Variants in TRMT9B observed in about 807,000 individuals in gnomAD.
TRMT9B encodes tRNA methyltransferase 9B (putative), also known as probable tRNA methyltransferase 9B.
In TRMT9B, 16 loss-of-function variants were observed where a neutral mutation model predicts 11.5. The ratio of observed to expected loss-of-function variants is 1.39; its 90% CI spans 0.94 to 2.11. TRMT9B has a LOEUF of 2.11. Among genes scored for constraint, TRMT9B ranks in the 30% most tolerant of loss-of-function variants. TRMT9B has a pLI of 0.00. For missense variants in TRMT9B, 941 were observed against 553.8 expected, an observed-to-expected ratio of 1.70 and a Z score of -7.02; for synonymous variants, 274 against 192.4, an observed-to-expected ratio of 1.42 and a Z score of -3.51.
intron 1 of TRMT9B, among the ~76,000 whole-genome samples, chr8:12,967,568 C>T (rs751414951): frequency 2.0e-5 from 3 of 152,190 alleles, no homozygotes; most frequent in Non-Finnish European, 4.4e-5. Context: ...TTGTTTTTAG[C>T]TTTTCTCCAC....
intron 2 of TRMT9B, among the ~76,000 whole-genome samples, chr8:12,993,388 T>A (rs4831383): frequency 0.061 from 9,300 of 152,272 alleles, 351 homozygotes; most frequent in African/African-American, 0.1. Context: ...GAATGGCACA[T>A]GTGCTATGTG....
At chr8:12,978,471 C>T (rs866781006) in intron 1 of TRMT9B, among the ~76,000 whole-genome samples, 1 of 150,592 alleles carries the variant, frequency 6.6e-6, no homozygotes, top group Non-Finnish European at 1.5e-5. Context: ...CTGGCCCAGA[C>T]AGTTGCTGCT....
intron 2 of TRMT9B, among the ~76,000 whole-genome samples, chr8:12,997,951 G>T (rs1204469658): frequency 6.6e-6 from 1 of 152,128 alleles, no homozygotes; most frequent in Non-Finnish European, 1.5e-5. Flanking sequence ...CTTTTGTATA[G>T]GTGGTGGGAT....
At chr8:12,949,662 C>A (rs1285756177) in intron 1 of TRMT9B, among the ~76,000 whole-genome samples, 2 of 152,148 alleles carry the variant, frequency 1.3e-5, no homozygotes, top group Non-Finnish European at 2.9e-5. Flanking sequence ...ATGTCTGCTT[C>A]AAGCCGTCAG....
chr8:12,949,955 T>C (rs975870143), intron 1 of TRMT9B, among the ~76,000 whole-genome samples: 17 of 152,188 alleles, frequency 1.1e-4, no homozygotes, highest in African/African-American at 4.1e-4. Flanking sequence ...TGGGCTCAAG[T>C]GACCCTCCTG....
Position 12,996,936 on chromosome 8 carries a change from C to CTTTAT in TRMT9B, c.-2+5974_-2+5978dup, listed in dbSNP as rs374171740. Among the ~76,000 whole-genome samples, 992 of 128,158 alleles carry CTTTAT rather than the reference C, an allele frequency of 7.7e-3. 25 individuals carry two copies. The highest frequency in any genetic ancestry group is 0.058 in the East Asian group (255 of 4,398). The allele number at this position is 128,158 out of a possible 152,430, so 84.1% of individuals were successfully genotyped here. A position where few individuals can be genotyped will look rare whatever the true frequency, so the allele number is the denominator to read the frequency against. On this transcript the variant is annotated intron_variant, in intron 2 of 4. Coordinates refer to ENST00000524591, the MANE Select transcript of TRMT9B (RefSeq NM_020844.3). ...TTTGTTTTATCTGTTTTTGTACCTT[C>CTTTAT]TTTATTTTATTTTATTTTATTTTAT... is the stretch of plus-strand genomic sequence containing the variant.
At chr8:12,952,512 A>T (rs944211227) in intron 1 of TRMT9B, among the ~76,000 whole-genome samples, 1 of 152,218 alleles carries the variant, frequency 6.6e-6, no homozygotes, top group African/African-American at 2.4e-5. Context: ...ATCAGAATTC[A>T]GAGATAAAGG....
Position 13,012,688 on chromosome 8 carries a change from T to C in TRMT9B, c.159T>C (p.Cys53=), listed in dbSNP as rs1166240607. The C allele has an allele frequency of 1.9e-6, 3 of 1,612,808 alleles. No homozygotes were observed. The highest frequency in any genetic ancestry group is 8.5e-7 in the Non-Finnish European group (1 of 1,179,180). ...KPGSLIADIG[C]GTGKYLKVNS... ...ACGCAGGTTTTTCTCTTATAGGTTGTGGGACTGGAAAATATCTTAAAGTGA... is the reference window on the plus strand; with the variant it reads ...ACGCAGGTTTTTCTCTTATAGGTTGCGGGACTGGAAAATATCTTAAAGTGA... The change falls in exon 4 of 5, where the codon TGT becomes TGC. Residue 53 remains cysteine (C), a synonymous_variant. Coordinates refer to ENST00000524591, the MANE Select transcript of TRMT9B (RefSeq NM_020844.3).
chr8:12,995,308 G>T (rs1585260877), intron 2 of TRMT9B, among the ~76,000 whole-genome samples: 1 of 152,198 alleles, frequency 6.6e-6, no homozygotes, highest in South Asian at 2.1e-4. Flanking sequence ...TGTGTAAAAA[G>T]TTAAATGAGC....
chr8:13,014,918 G>C (rs964216560), intron 4 of TRMT9B, among the ~76,000 whole-genome samples: 1 of 151,926 alleles, frequency 6.6e-6, no homozygotes, highest in African/African-American at 2.4e-5. Context: ...AAAATTAGCC[G>C]GGCATGGTGG....
intron 1 of TRMT9B, among the ~76,000 whole-genome samples, chr8:12,966,239 C>G (rs879478888): frequency 6.6e-6 from 1 of 152,140 alleles, no homozygotes; most frequent in Non-Finnish European, 1.5e-5. Context: ...AGCTACTGCA[C>G]TCCAGCCTCG....
chr8:13,000,850 C>G (rs747714069), intron 2 of TRMT9B, among the ~76,000 whole-genome samples: 7 of 152,120 alleles, frequency 4.6e-5, no homozygotes, highest in African/African-American at 1.7e-4. Flanking sequence ...GAAGTGAGTT[C>G]AAGTGAAGAA....
At chr8:12,950,858 G>A (rs1220231090) in intron 1 of TRMT9B, among the ~76,000 whole-genome samples, 1 of 152,102 alleles carries the variant, frequency 6.6e-6, no homozygotes, top group African/African-American at 2.4e-5. Flanking sequence ...AACCTGAACT[G>A]GAAACAACAG....
intron 1 of TRMT9B, chr8:12,962,144 C>G (rs1408349364): frequency 2.6e-5 from 4 of 152,354 alleles, no homozygotes; most frequent in Middle Eastern, 3.0e-3. Context: ...GCAGGAAGCT[C>G]TTGGGGCTAT....
intron 3 of TRMT9B, chr8:13,010,760 A>T: frequency 1.0e-6 from 1 of 983,574 alleles, no homozygotes; most frequent in Non-Finnish European, 1.2e-6. Flanking sequence ...AAGCAAATGA[A>T]TTGCAAGGTT....
At chr8:12,975,529 G>C (rs1004567200) in intron 1 of TRMT9B, among the ~76,000 whole-genome samples, 4 of 152,102 alleles carry the variant, frequency 2.6e-5, no homozygotes, top group African/African-American at 9.7e-5. Context: ...TTGAGGCCAG[G>C]AGTTCGAGAC....
chr8:12,971,157 A>G (rs913264396), intron 1 of TRMT9B, among the ~76,000 whole-genome samples: 1 of 152,202 alleles, frequency 6.6e-6, no homozygotes, highest in African/African-American at 2.4e-5. Flanking sequence ...GAAATAGACA[A>G]TAAAGTTTTG....
In TRMT9B at chr8:13,006,319, G is replaced by C. The variant is rs1810452229; in HGVS notation, c.117G>C (p.Leu39=). The C allele has an allele frequency of 6.2e-7, 1 of 1,613,370 alleles. No individual in the cohort carries two copies. Among genetic ancestry groups the C allele is most frequent in the Admixed American group, 1.7e-5 (1 of 59,986 alleles). ...CCTGGCCTCGTGTCCGCCAGTTCCT[G>C]CAAGAGCAGAAGCCAGGCAGCCTCA... is the stretch of plus-strand genomic sequence containing the variant. ...SKAWPRVRQF[L]QEQKPGSLIA... Residue 39 remains leucine (L), a synonymous_variant, in exon 3 of 5, where the codon CTG becomes CTC. Coordinates refer to ENST00000524591, the MANE Select transcript of TRMT9B (RefSeq NM_020844.3).
intron 2 of TRMT9B, among the ~76,000 whole-genome samples, chr8:12,992,123 C>T (rs183887081): frequency 3.9e-5 from 6 of 152,256 alleles, no homozygotes; most frequent in Non-Finnish European, 5.9e-5. Flanking sequence ...AGCTAAGAAA[C>T]AGCTCCTTGA....
Sources: gnomAD v4.1 joint callset for allele counts (sites outside exome capture counted in the v4.1 genomes callset) on GRCh38, gnomAD v4.1.1 for gene constraint, MANE v1.5 for transcripts, NCBI Gene and HGNC (gene_info 2026-07-23, HGNC 2026-07-21) for gene names.